The following DMC1 variants were observed in gnomAD, a reference collection of about 807,000 sequenced individuals.
DMC1 encodes the protein DNA meiotic recombinase 1.
Under a neutral mutation model 50.1 loss-of-function variants are expected in DMC1, and 27 were observed. The ratio of observed to expected loss-of-function variants is 0.54; its 90% CI spans 0.40 to 0.74. The LOEUF is 0.74. DMC1 is among the 30% of genes least tolerant of loss of function. DMC1 has a pLI of 0.00. For synonymous variants in DMC1, 148 were observed against 136.1 expected, an observed-to-expected ratio of 1.09 and a Z score of -0.61; for missense variants, 295 against 420.2, an observed-to-expected ratio of 0.70 and a Z score of 2.60.
chr22:38,545,530 T>C (rs1263526082), intron 8 of DMC1, among the ~76,000 whole-genome samples: 1 of 152,128 alleles, frequency 6.6e-6, no homozygotes, highest in Non-Finnish European at 1.5e-5. Context: ...TCACACCATC[T>C]CCTGCCTCAG....
At chr22:38,538,254 A>G in intron 11 of DMC1, 41 bp downstream of exon 11, 2 of 1,529,090 alleles carry the variant, frequency 1.3e-6, no homozygotes, top group Non-Finnish European at 1.8e-6. Flanking sequence ...AGTATACTTG[A>G]CAAACATAGT....
intron 12 of DMC1, among the ~76,000 whole-genome samples, chr22:38,527,349 C>T (rs893924460): frequency 2.6e-5 from 4 of 151,666 alleles, no homozygotes; most frequent in Non-Finnish European, 5.9e-5. Flanking sequence ...GGACTACAGG[C>T]GCCCGCCACC....
intron 12 of DMC1, among the ~76,000 whole-genome samples, chr22:38,535,410 C>CCACA (rs141719568): frequency 0.073 from 10,838 of 147,968 alleles, 580 homozygotes; most frequent in African/African-American, 0.15. Context: ...ATGTACACCT[C>CCACA]CACACACACA....
chr22:38,526,884 G>T (rs1297795239), intron 12 of DMC1, among the ~76,000 whole-genome samples: 8 of 152,116 alleles, frequency 5.3e-5, no homozygotes, highest in African/African-American at 1.9e-4. Context: ...TAAACTGGCC[G>T]TCTGGTTCTT....
intron 4 of DMC1, among the ~76,000 whole-genome samples, chr22:38,565,273 ACTC>A (rs2090569731): frequency 6.6e-6 from 1 of 150,398 alleles, no homozygotes; most frequent in South Asian, 2.1e-4. Flanking sequence ...AGGGGATTTG[ACTC>A]CAGAGGTGGG....
chr22:38,516,642 T>C (rs1438405283), downstream of DMC1, among the ~76,000 whole-genome samples: 1 of 152,052 alleles, frequency 6.6e-6, no homozygotes, highest in Non-Finnish European at 1.5e-5. Flanking sequence ...GAAGAAAGTT[T>C]ATTATACTCA....
At chr22:38,528,169 C>T (rs1263336324) in intron 12 of DMC1, among the ~76,000 whole-genome samples, 1 of 151,158 alleles carries the variant, frequency 6.6e-6, no homozygotes, top group Non-Finnish European at 1.5e-5. Flanking sequence ...TCAAGCAATT[C>T]TCCTGCCTCA....
At chr22:38,541,050 G>C (rs2090275433) in intron 8 of DMC1, among the ~76,000 whole-genome samples, 1 of 152,032 alleles carries the variant, frequency 6.6e-6, no homozygotes, top group Non-Finnish European at 1.5e-5. Flanking sequence ...ACCTGTTTAG[G>C]ATTAAACGAG....
intron 4 of DMC1, among the ~76,000 whole-genome samples, chr22:38,564,322 T>C (rs964955687): frequency 5.3e-5 from 8 of 152,096 alleles, no homozygotes; most frequent in African/African-American, 1.9e-4. Flanking sequence ...TCTTTTTTTT[T>C]CTTTTGAGAC....
intron 12 of DMC1, among the ~76,000 whole-genome samples, chr22:38,522,007 C>T (rs927026455): frequency 2.6e-5 from 4 of 151,508 alleles, no homozygotes; most frequent in African/African-American, 9.7e-5. Context: ...GGCTGGAGTG[C>T]AGTGGTGTGA....
intron 5 of DMC1, among the ~76,000 whole-genome samples, chr22:38,559,071 C>A (rs532130969): frequency 3.0e-4 from 46 of 152,194 alleles, no homozygotes; most frequent in Middle Eastern, 6.8e-3. Flanking sequence ...ACTCTATTGC[C>A]CAGGCTGGAG....
At chr22:38,545,867 C>T (rs1484798144) in intron 8 of DMC1, 1 of 152,040 alleles carries the variant, frequency 6.6e-6, no homozygotes, top group Non-Finnish European at 1.5e-5. Flanking sequence ...ATAAGGAGTC[C>T]TAAGACAACC....
At chr22:38,554,128 C>CTAAA (rs963595187) in intron 6 of DMC1, among the ~76,000 whole-genome samples, 19 of 151,644 alleles carry the variant, frequency 1.3e-4, no homozygotes, top group African/African-American at 3.6e-4. Flanking sequence ...GACTCCATCT[C>CTAAA]TAAATAAATA....
At chr22:38,537,496 G>A in intron 12 of DMC1, 96 bp downstream of exon 12, 9 of 1,165,756 alleles carry the variant, frequency 7.7e-6, no homozygotes, top group Non-Finnish European at 1.0e-5. Flanking sequence ...ACAGGCGTGA[G>A]CCACCGTGCC....
At position 38,519,432 on chromosome 22, in the gene DMC1, GTC is replaced by G. The variant is rs1220797598; in HGVS notation, c.*586_*587del. On this transcript the variant is annotated 3_prime_UTR_variant, in exon 14 of 14. Coordinates refer to ENST00000216024, the MANE Select transcript of DMC1 (RefSeq NM_007068.4). ...GATTTAAAATTTGGCTTAATTTAAT[GTC>G]TGTTTTCTGTTGCTATAAAGGTGAA... 2 of 152,506 alleles carry G rather than the reference GTC, an allele frequency of 1.3e-5. No homozygotes were observed. The highest frequency in any genetic ancestry group is 4.8e-5 in the African/African-American group (2 of 41,424). 9.4% of individuals were successfully genotyped at this position (152,506 alleles called of 1,614,324 possible). A position where few individuals can be genotyped will look rare whatever the true frequency, so the allele number is the denominator to read the frequency against.
Position 38,552,673 on chromosome 22 carries a change from G to A in DMC1, c.414C>T (p.Thr138=), listed in dbSNP as rs777898171. Reference sequence around the variant, plus strand: ...GTTGTTATATATCCTTACCACAGAGGGTATGAGAAAGCTGGGTTTTTCCAG... The same window carrying A: ...GTTGTTATATATCCTTACCACAGAGAGTATGAGAAAGCTGGGTTTTTCCAG... ...FRTGKTQLSH[T]LCVTAQLPGA... The change falls in exon 7 of 14, where the codon ACC becomes ACT. Residue 138 remains threonine (T), a synonymous_variant. Transcript: ENST00000216024. 1 of 1,590,138 alleles carries A rather than the reference G, an allele frequency of 6.3e-7. No individual in the cohort carries two copies. The highest frequency in any genetic ancestry group is 8.6e-7 in the Non-Finnish European group (1 of 1,158,696).
chr22:38,537,726 C>T, intron 11 of DMC1, 74 bp from the exon 12 acceptor site: 1 of 1,176,580 alleles, frequency 8.5e-7, no homozygotes. Flanking sequence ...GTTTAGATTT[C>T]AGAGTTTAGA....
intron 7 of DMC1, among the ~76,000 whole-genome samples, 164 bp downstream of exon 7, chr22:38,552,502 A>G (rs1158313894): frequency 6.6e-6 from 1 of 152,180 alleles, no homozygotes; most frequent in African/African-American, 2.4e-5. Flanking sequence ...TCACACATTC[A>G]AAGACCAGCT....
intron 11 of DMC1, 149 bp from the exon 12 acceptor site, chr22:38,537,801 ATTAT>A (rs749822790): frequency 2.5e-5 from 16 of 647,074 alleles, no homozygotes; most frequent in Non-Finnish European, 3.8e-5. Context: ...GACAACAGAA[ATTAT>A]TTGTTATTAT....
Sources: allele counts gnomAD v4.1 joint callset (sites outside exome capture counted in the v4.1 genomes callset), GRCh38; gene constraint gnomAD v4.1.1; transcripts MANE v1.5; gene names NCBI Gene and HGNC (gene_info 2026-07-23, HGNC 2026-07-21).